STAT5B: variants seen among roughly 807,000 people sequenced by gnomAD.
STAT5B encodes the protein transcription factor STAT5B.
In STAT5B, 21 loss-of-function variants were observed where a neutral mutation model predicts 107.8. The observed-to-expected ratio is 0.19, with a 90% CI of 0.14 to 0.28. STAT5B has a LOEUF of 0.28. Among genes scored for constraint, STAT5B ranks in the 10% least tolerant of loss-of-function variants. The pLI is 1.00. For synonymous variants in STAT5B, 325 were observed against 401.7 expected (o/e 0.81, Z 2.28); for missense variants, 565 against 1,008.2 (o/e 0.56, Z 5.95).
chr17:42,270,988 G>A (rs910783540), intron 1 of STAT5B: 4 of 152,144 alleles, frequency 2.6e-5, no homozygotes, highest in African/African-American at 9.7e-5. Context: ...GAAGGCGTTG[G>A]AACATTTTCT....
At chr17:42,211,107 A>T (rs1053857650) in intron 13 of STAT5B, among the ~76,000 whole-genome samples, 3 of 152,058 alleles carry the variant, frequency 2.0e-5, no homozygotes, top group Non-Finnish European at 4.4e-5. Context: ...AGGCTGAGAC[A>T]GGAGAATCAC....
chr17:42,232,484 A>C (rs1268989297), intron 1 of STAT5B, among the ~76,000 whole-genome samples: 1 of 152,056 alleles, frequency 6.6e-6, no homozygotes, highest in Non-Finnish European at 1.5e-5. Context: ...CCTGACCTTA[A>C]GTGATCCTCC....
chr17:42,286,664 G>A, the STAT5B span, among the ~76,000 whole-genome samples: 3 of 152,180 alleles, frequency 2.0e-5, no homozygotes, highest in Non-Finnish European at 4.4e-5. Context: ...TCAGTGCATG[G>A]CAAGGGTGGC....
chr17:42,218,632 G>A, intron 8 of STAT5B, 91 bp downstream of exon 8: 3 of 1,603,774 alleles, frequency 1.9e-6, no homozygotes, highest in Non-Finnish European at 2.6e-6. Context: ...GGCAGGAAGT[G>A]GATCTGCTGG....
At chr17:42,279,378 G>A (rs921017605), upstream of STAT5B, among the ~76,000 whole-genome samples, 13 of 152,130 alleles carry the variant, frequency 8.5e-5, no homozygotes, top group African/African-American at 2.7e-4. Flanking sequence ...ACTGTATAGC[G>A]GTTAACTACT....
At chr17:42,280,940 C>T (rs2041831669), upstream of STAT5B, among the ~76,000 whole-genome samples, 1 of 152,056 alleles carries the variant, frequency 6.6e-6, no homozygotes, top group African/African-American at 2.4e-5. Context: ...CGAGACCATC[C>T]TGGCTAACAC....
chr17:42,243,173 C>CT (rs11443474), intron 1 of STAT5B, among the ~76,000 whole-genome samples: 53,633 of 147,038 alleles, frequency 0.36, 10,639 homozygotes, highest in African/African-American at 0.57. Context: ...TGTGTTTATA[C>CT]TTAAAAAAAA....
intron 2 of STAT5B, among the ~76,000 whole-genome samples, chr17:42,230,793 T>A (rs2144293015): frequency 6.6e-6 from 1 of 152,202 alleles, no homozygotes; most frequent in South Asian, 2.1e-4. Context: ...CCAGAGTAGC[T>A]GGGATTACAG....
chr17:42,215,478 G>C (rs577832475), intron 12 of STAT5B, among the ~76,000 whole-genome samples: 96 of 152,190 alleles, frequency 6.3e-4, no homozygotes, highest in Non-Finnish European at 1.2e-3. Flanking sequence ...GAGGTAAAGT[G>C]AACTGCCCAT....
chr17:42,218,924 C>G, intron 7 of STAT5B, 46 bp from the exon 8 acceptor site: 2 of 1,613,704 alleles, frequency 1.2e-6, no homozygotes, highest in Non-Finnish European at 1.7e-6. Flanking sequence ...GGCTCCTCCG[C>G]ACAGACGCCA....
intron 1 of STAT5B, among the ~76,000 whole-genome samples, chr17:42,237,424 T>C (rs1014223433): frequency 1.3e-5 from 2 of 152,120 alleles, no homozygotes; most frequent in Non-Finnish European, 2.9e-5. Flanking sequence ...ATATAAACTA[T>C]AACAAAGAAA....
At chr17:42,253,947 T>A (rs1372799822) in intron 1 of STAT5B, among the ~76,000 whole-genome samples, 1 of 152,216 alleles carries the variant, frequency 6.6e-6, no homozygotes, top group Non-Finnish European at 1.5e-5. Context: ...TCATATTCTA[T>A]GGGCTTCGGC....
intron 1 of STAT5B, among the ~76,000 whole-genome samples, chr17:42,240,121 C>CA (rs1379484654): frequency 2.0e-5 from 3 of 152,146 alleles, no homozygotes; most frequent in Non-Finnish European, 2.9e-5. Flanking sequence ...GATGACAGGG[C>CA]AAGCACAGCA....
chr17:42,274,562 G>T (rs1281132602), intron 1 of STAT5B, among the ~76,000 whole-genome samples: 1 of 152,080 alleles, frequency 6.6e-6, no homozygotes, highest in East Asian at 1.9e-4. Flanking sequence ...GTACCCAAAT[G>T]AATAAACAAA....
At chr17:42,282,537 G>A in the STAT5B span, among the ~76,000 whole-genome samples, 1 of 152,026 alleles carries the variant, frequency 6.6e-6, no homozygotes, top group Non-Finnish European at 1.5e-5. Context: ...CTGAGTCTGT[G>A]CTGGCTTGGT....
intron 1 of STAT5B, among the ~76,000 whole-genome samples, chr17:42,243,509 T>C (rs773775386): frequency 6.6e-6 from 1 of 152,180 alleles, no homozygotes; most frequent in Non-Finnish European, 1.5e-5. Context: ...GTCAAGTATT[T>C]GAGGGTAAAT....
chr17:42,238,390 T>C (rs1476078143), intron 1 of STAT5B, among the ~76,000 whole-genome samples: 1 of 146,442 alleles, frequency 6.8e-6, no homozygotes, highest in Admixed American at 6.9e-5. Flanking sequence ...CCTCAAGTGA[T>C]CCTCCCAAGT....
chr17:42,212,322 A>G, intron 12 of STAT5B, 132 bp from the exon 13 acceptor site: 1 of 1,447,238 alleles, frequency 6.9e-7, no homozygotes, highest in Non-Finnish European at 9.5e-7. Context: ...GGATAAATTC[A>G]GACTCTGCTG....
chr17:42,218,473 G>C, intron 8 of STAT5B, 143 bp from the exon 9 acceptor site: 1 of 1,425,264 alleles, frequency 7.0e-7, no homozygotes, highest in Non-Finnish European at 9.5e-7. Flanking sequence ...TCCTGGGGAA[G>C]CCGTGAGAGT....
Sources: gnomAD v4.1 joint callset for allele counts (sites outside exome capture counted in the v4.1 genomes callset) on GRCh38, gnomAD v4.1.1 for gene constraint, MANE v1.5 for transcripts, NCBI Gene and HGNC (gene_info 2026-07-23, HGNC 2026-07-21) for gene names.